The following BMP1 variants were observed in gnomAD, a reference collection of about 807,000 sequenced individuals.
The protein encoded by BMP1 is bone morphogenetic protein 1, also known as mammalian tolloid protein.
In BMP1, 63 loss-of-function variants were observed where a neutral mutation model predicts 116.8. That is an observed-to-expected ratio of 0.54 (90% confidence interval 0.44 to 0.67). The LOEUF (loss-of-function observed/expected upper bound fraction) is 0.67, where lower values mean the gene tolerates loss of function less well. Ranked by LOEUF, BMP1 falls within the 30% of genes least tolerant of loss-of-function variation. The probability of loss-of-function intolerance (pLI) is 0.00; values close to 1 mark genes in which losing one functional copy is unlikely to be tolerated. For synonymous variants in BMP1, 536 were observed against 533.4 expected (o/e 1.00, Z -0.07); for missense variants, 1,183 against 1,358.9 (o/e 0.87, Z 2.04).
chr8:22,206,464 T>C (rs1829356915), intron 16 of BMP1, among the ~76,000 whole-genome samples: 1 of 148,456 alleles, frequency 6.7e-6, no homozygotes. Flanking sequence ...ATCACACCAC[T>C]GCACTCCAGC....
At chr8:22,191,939 G>C (rs1366416855) in intron 8 of BMP1, 110 bp from the exon 9 acceptor site, 1 of 950,812 alleles carries the variant, frequency 1.1e-6, no homozygotes, top group African/African-American at 1.6e-5. Context: ...CTTAACTCTC[G>C]CCCAGGGGGA....
chr8:22,184,167 G>A (rs1828702439), intron 8 of BMP1, among the ~76,000 whole-genome samples: 1 of 152,246 alleles, frequency 6.6e-6, no homozygotes. Flanking sequence ...AGATGCACAA[G>A]ACGGTCCCTG....
At chr8:22,187,808 C>G (rs1388842822) in intron 8 of BMP1, among the ~76,000 whole-genome samples, 2 of 152,150 alleles carry the variant, frequency 1.3e-5, no homozygotes, top group Non-Finnish European at 1.5e-5. Flanking sequence ...TGAGTGCTTA[C>G]TGTGTGTTGG....
intron 15 of BMP1, chr8:22,198,936 G>T (rs1829170504): frequency 9.6e-6 from 12 of 1,254,976 alleles, no homozygotes; most frequent in Non-Finnish European, 1.2e-5. Flanking sequence ...GGGTTGAGAG[G>T]ATGTAACACC....
At chr8:22,196,324 G>A in intron 13 of BMP1, 1 of 575,786 alleles carries the variant, frequency 1.7e-6, no homozygotes, top group East Asian at 4.3e-5. Flanking sequence ...GTGCCCCCGA[G>A]CTGCTCCCTT....
intron 8 of BMP1, among the ~76,000 whole-genome samples, chr8:22,181,253 G>A (rs1423373272): frequency 6.6e-6 from 1 of 152,176 alleles, no homozygotes; most frequent in Non-Finnish European, 1.5e-5. Context: ...GTCTTACCTT[G>A]TGGGGAAGTA....
intron 8 of BMP1, among the ~76,000 whole-genome samples, chr8:22,182,401 T>C (rs1828647325): frequency 1.3e-5 from 2 of 152,210 alleles, no homozygotes; most frequent in South Asian, 4.1e-4. Flanking sequence ...GCAGAGTTAT[T>C]ACACCAGTTA....
At chr8:22,193,266 A>G (rs1251395168) in intron 9 of BMP1, among the ~76,000 whole-genome samples, 2 of 152,214 alleles carry the variant, frequency 1.3e-5, no homozygotes, top group Admixed American at 6.5e-5. Flanking sequence ...TCTGTGATTT[A>G]TTTAGGGTCC....
At chr8:22,199,412 C>T (rs1475401880) in intron 15 of BMP1, 4 of 1,259,484 alleles carry the variant, frequency 3.2e-6, no homozygotes, top group African/African-American at 1.6e-5. Flanking sequence ...CTTGCCTGGG[C>T]CCATGCCCAC....
rs1829056098 is a variant in BMP1, at chr8:22,195,505, G to A, written c.1683G>A (p.Gln561=). 2.5e-6 allele frequency: 4 copies of A among 1,612,596 alleles called. No homozygotes were observed. In the East Asian group the frequency reaches 6.7e-5, roughly 27 times the overall value. ...GGCCCAACCGCGGGGGCTGTGAGCA[G>A]CGGTGCCTCAACACCCTGGGCAGCT... ...CSRPNRGGCE[Q]RCLNTLGSYK... The change falls in exon 13 of 20, where the codon CAG becomes CAA. Residue 561 remains glutamine (Q), a synonymous_variant. Coordinates refer to ENST00000306385, the MANE Select transcript of BMP1 (RefSeq NM_006129.5).
intron 8 of BMP1, among the ~76,000 whole-genome samples, chr8:22,188,822 G>A (rs1412983552): frequency 3.3e-5 from 5 of 152,246 alleles, no homozygotes; most frequent in East Asian, 1.9e-4. Flanking sequence ...CAGCTGTGAC[G>A]TCATCCTCCC....
chr8:22,193,647 G>A (rs1828995827), intron 9 of BMP1, among the ~76,000 whole-genome samples: 1 of 152,196 alleles, frequency 6.6e-6, no homozygotes, highest in African/African-American at 2.4e-5. Context: ...AGCTGGGTGT[G>A]GTGGCAGATG....
chr8:22,178,658 C>G (rs184237385), intron 6 of BMP1, among the ~76,000 whole-genome samples: 1 of 152,302 alleles, frequency 6.6e-6, no homozygotes, highest in East Asian at 1.9e-4. Context: ...AGCCCCCATG[C>G]CCAGCTCCGA....
chr8:22,196,479 C>G, intron 13 of BMP1: 1 of 663,660 alleles, frequency 1.5e-6, no homozygotes, highest in Non-Finnish European at 2.6e-6. Context: ...CTCCCCCACT[C>G]CTCCCTACAG....
chr8:22,177,187 A>C, intron 5 of BMP1, 48 bp downstream of exon 5: 1 of 1,513,106 alleles, frequency 6.6e-7, no homozygotes, highest in African/African-American at 1.4e-5. Flanking sequence ...CTCCCGCCCC[A>C]GCCCCCACCT....
At chr8:22,174,063 T>G (rs1828360044) in intron 2 of BMP1, among the ~76,000 whole-genome samples, 1 of 152,210 alleles carries the variant, frequency 6.6e-6, no homozygotes. Flanking sequence ...TAAAGTGACC[T>G]GCCCAGGATC....
intron 16 of BMP1, 32 bp from the exon 17 acceptor site, chr8:22,206,822 T>C: frequency 6.2e-7 from 1 of 1,613,852 alleles, no homozygotes; most frequent in South Asian, 1.1e-5. Flanking sequence ...GGGGTCCCTC[T>C]CTATCCCCTT....
intron 15 of BMP1, 107 bp from the exon 16 acceptor site, chr8:22,201,695 TG>T (rs1829266608): frequency 6.5e-7 from 1 of 1,529,256 alleles, no homozygotes; most frequent in Middle Eastern, 2.4e-4. Flanking sequence ...TGCCAGCTGT[TG>T]CTCTGTCCCG....
intron 1 of BMP1, among the ~76,000 whole-genome samples, chr8:22,172,170 A>G (rs1253347684): frequency 1.3e-5 from 2 of 152,098 alleles, no homozygotes; most frequent in Admixed American, 1.3e-4. Context: ...CCTGTATAGC[A>G]CTCTGCCTGG....
Sources: gnomAD v4.1 joint callset for allele counts (sites outside exome capture counted in the v4.1 genomes callset) on GRCh38, gnomAD v4.1.1 for gene constraint, MANE v1.5 for transcripts, NCBI Gene and HGNC (gene_info 2026-07-23, HGNC 2026-07-21) for gene names.